Variants in TIAM2 observed in about 807,000 individuals in gnomAD.
TIAM2 encodes the protein rho guanine nucleotide exchange factor TIAM2.
In TIAM2, 80 loss-of-function variants were observed where a neutral mutation model predicts 152.9. The ratio of observed to expected loss-of-function variants is 0.52; its 90% CI spans 0.44 to 0.63. The LOEUF is 0.63. TIAM2 is among the 30% of genes least tolerant of loss of function. The pLI, the probability that TIAM2 is intolerant of heterozygous loss-of-function variation, is 0.00. For missense variants in TIAM2, 1,965 were observed against 2,120.1 expected, an observed-to-expected ratio of 0.93 and a Z score of 1.44; for synonymous variants, 804 against 838.0, an observed-to-expected ratio of 0.96 and a Z score of 0.70.
intron 9 of TIAM2, among the ~76,000 whole-genome samples, chr6:155,165,889 C>G (rs7751439): frequency 5.9e-5 from 9 of 151,930 alleles, no homozygotes; most frequent in African/African-American, 2.2e-4. Context: ...GTATCTATCC[C>G]GGCACCCCTG....
chr6:155,012,575 G>T (rs1171156620), intron 1 of TIAM2, among the ~76,000 whole-genome samples: 2 of 151,942 alleles, frequency 1.3e-5, no homozygotes, highest in African/African-American at 4.8e-5. Flanking sequence ...TTTTGAGACG[G>T]AGTCTCACTC....
At chr6:155,029,448 G>C (rs28861387) in intron 1 of TIAM2, among the ~76,000 whole-genome samples, 325 of 29,218 alleles carry the variant, frequency 0.011, 45 homozygotes, top group African/African-American at 0.038. Context: ...TTATACTATA[G>C]TATATATTAT....
At position 155,191,438 on chromosome 6, in the gene TIAM2, T is replaced by C. The variant is rs183038096; in HGVS notation, c.3064+7938T>C. The stretch of plus-strand genomic sequence containing the variant: ...CCTGTTCTTAGCCATGCAGTGTCTC[T>C]TCCAGAGGTCATCATTGTTCTTAGT... On this transcript the variant is annotated intron_variant, in intron 14 of 26. Coordinates refer to ENST00000682666, the MANE Select transcript of TIAM2 (RefSeq NM_012454.4). Among the ~76,000 whole-genome samples the C allele has an allele frequency of 5.4e-3, 824 of 152,308 alleles. 4 individuals carry two copies. Among genetic ancestry groups the C allele is most frequent in the Non-Finnish European group, 7.6e-3 (514 of 68,022 alleles).
At chr6:155,146,175 G>A (rs1779814386) in intron 6 of TIAM2, among the ~76,000 whole-genome samples, 1 of 152,090 alleles carries the variant, frequency 6.6e-6, no homozygotes, top group African/African-American at 2.4e-5. Flanking sequence ...CGAGGAGTTT[G>A]AAATCAGCTT....
chr6:155,139,331 T>TA (rs1779635112), intron 5 of TIAM2, among the ~76,000 whole-genome samples: 1 of 152,200 alleles, frequency 6.6e-6, no homozygotes, highest in Admixed American at 6.5e-5. Context: ...ATCCAAGTGA[T>TA]ACCTTTTCCT....
chr6:155,228,243 A>T (rs1782316286), intron 15 of TIAM2, among the ~76,000 whole-genome samples: 1 of 152,300 alleles, frequency 6.6e-6, no homozygotes, highest in South Asian at 2.1e-4. Flanking sequence ...TCTGTAGGAT[A>T]GACTTTACCT....
chr6:155,239,048 T>A (rs1343421346), intron 15 of TIAM2, among the ~76,000 whole-genome samples: 1 of 152,168 alleles, frequency 6.6e-6, no homozygotes, highest in Non-Finnish European at 1.5e-5. Context: ...ACAGACTGTA[T>A]AAAAAGCATG....
At chr6:155,025,436 C>T (rs1008039387) in intron 1 of TIAM2, among the ~76,000 whole-genome samples, 3 of 152,060 alleles carry the variant, frequency 2.0e-5, no homozygotes, top group African/African-American at 7.2e-5. Context: ...CCTCCTCAGC[C>T]TCCCAAAGTA....
At chr6:155,009,463 G>T (rs1583148190) in intron 1 of TIAM2, among the ~76,000 whole-genome samples, 1 of 152,104 alleles carries the variant, frequency 6.6e-6, no homozygotes, top group African/African-American at 2.4e-5. Flanking sequence ...TCTAGGTGAT[G>T]CTGCCACTGT....
chr6:155,028,015 C>G (rs192466419), intron 1 of TIAM2, among the ~76,000 whole-genome samples: 1 of 126,062 alleles, frequency 7.9e-6, no homozygotes, highest in East Asian at 2.3e-4. Flanking sequence ...AATATATGTA[C>G]TGTGTTATAT....
intron 2 of TIAM2, among the ~76,000 whole-genome samples, chr6:155,099,127 C>G (rs1420860405): frequency 6.6e-6 from 1 of 151,940 alleles, no homozygotes; most frequent in Non-Finnish European, 1.5e-5. Flanking sequence ...TCAGAGGTTG[C>G]GGTGAGCCAA....
intron 2 of TIAM2, among the ~76,000 whole-genome samples, chr6:155,122,437 G>A (rs1167424014): frequency 7.0e-6 from 1 of 142,218 alleles, no homozygotes; most frequent in African/African-American, 2.7e-5. Flanking sequence ...ATGGAGAATG[G>A]AAGGCAGGAT....
At chr6:155,187,573 C>CCGTTTTTTTTTTTTTTTT (rs1189509294) in intron 14 of TIAM2, among the ~76,000 whole-genome samples, 1 of 49,614 alleles carries the variant, frequency 2.0e-5, no homozygotes, top group Non-Finnish European at 3.7e-5. Context: ...ACCCCGCCCC[C>CCGTTTTTTTTTTTTTTTT]TTTTTTTTTT....
intron 1 of TIAM2, among the ~76,000 whole-genome samples, chr6:155,054,673 C>A (rs1439928389): frequency 6.6e-6 from 1 of 152,076 alleles, no homozygotes; most frequent in African/African-American, 2.4e-5. Context: ...CTCCCGCCCC[C>A]TGGGTTCAAG....
rs568800055 is a variant in TIAM2 at position 155,075,262 on chromosome 6, A to G, written c.-208-15027A>G. On this transcript the variant is annotated intron_variant, in intron 1 of 26. Coordinates refer to ENST00000682666, the MANE Select transcript of TIAM2 (RefSeq NM_012454.4). ...TCAAAACTGTGCTAATGATCATAGG[A>G]ACATTTTAAATGTAGCTATGGTCTG... is the stretch of plus-strand genomic sequence containing the variant. Among the ~76,000 whole-genome samples the G allele has an allele frequency of 2.1e-3, 317 of 152,276 alleles. 1 individual carries two copies. The highest frequency in any genetic ancestry group is 7.1e-3 in the African/African-American group (294 of 41,544).
intron 15 of TIAM2, among the ~76,000 whole-genome samples, chr6:155,215,789 TTTTA>T (rs894979927): frequency 6.6e-6 from 1 of 151,764 alleles, no homozygotes; most frequent in Non-Finnish European, 1.5e-5. Context: ...TGGATTTTTT[TTTTA>T]TTGTTTTAAA....
intron 14 of TIAM2, among the ~76,000 whole-genome samples, chr6:155,202,696 C>T (rs981080064): frequency 3.3e-5 from 5 of 150,550 alleles, no homozygotes; most frequent in Admixed American, 1.3e-4. Flanking sequence ...CCAAAGTTCT[C>T]GGATTATAGG....
At chr6:155,204,954 C>G (rs1781560512) in intron 14 of TIAM2, among the ~76,000 whole-genome samples, 1 of 152,008 alleles carries the variant, frequency 6.6e-6, no homozygotes, top group African/African-American at 2.4e-5. Flanking sequence ...AACGCTGCGT[C>G]CTCATTGTGG....
chr6:155,245,563 A>G (rs1348912646), intron 18 of TIAM2, 60 bp from the exon 19 acceptor site: 2 of 1,409,180 alleles, frequency 1.4e-6, no homozygotes, highest in Non-Finnish European at 2.0e-6. Context: ...GTCAAATGCC[A>G]TAAGCCAGCA....
Sources: gnomAD v4.1 joint callset for allele counts (sites outside exome capture counted in the v4.1 genomes callset) on GRCh38, gnomAD v4.1.1 for gene constraint, MANE v1.5 for transcripts, NCBI Gene and HGNC (gene_info 2026-07-23, HGNC 2026-07-21) for gene names.